LRCH4: variants seen among roughly 807,000 people sequenced by gnomAD.
The protein encoded by LRCH4 is leucine rich repeats and calponin homology domain containing 4, also known as leucine-rich repeat and calponin homology domain-containing protein 4.
LRCH4 carries 56 observed loss-of-function variants against 81.2 expected under a neutral mutation model. The ratio of observed to expected loss-of-function variants is 0.69; its 90% CI spans 0.56 to 0.86. The LOEUF is 0.86. Ranked by LOEUF, LRCH4 falls within the 40% of genes least tolerant of loss-of-function variation. The probability of loss-of-function intolerance (pLI) is 0.00; values close to 1 mark genes in which losing one functional copy is unlikely to be tolerated. For missense variants in LRCH4, 895 were observed against 922.8 expected, an observed-to-expected ratio of 0.97 and a Z score of 0.39; for synonymous variants, 442 against 409.7, an observed-to-expected ratio of 1.08 and a Z score of -0.95.
Position 100,577,091 on chromosome 7 carries a change from C to A in LRCH4, c.1359G>T (p.Met453Ile). 1 of 1,614,148 alleles carries A rather than the reference C, an allele frequency of 6.2e-7. No individual in the cohort carries two copies. The highest frequency in any genetic ancestry group is 8.5e-7 in the Non-Finnish European group (1 of 1,180,002). ...GATGCTGGCAGGAAACCTACTTGTG[C>A]ATGGCTTGAGTGGACACGGCGGCGG... ...GGAAAVSTQAMHNGSPKSSAS... is the reference protein window; with the variant it reads ...GGAAAVSTQAIHNGSPKSSAS... Residue 453 changes from methionine to isoleucine, a missense_variant, in exon 12 of 18, where the codon ATG (methionine) becomes ATT (isoleucine). Met to Ile is a conservative substitution (Grantham distance 10). This residue lies in a region of LRCH4 where 529 missense variants were observed against 504.9 expected (regional missense o/e 1.05). Coordinates refer to ENST00000310300, the MANE Select transcript of LRCH4 (RefSeq NM_002319.5). The surrounding 1 kb of genome is among the most constrained non-coding windows in gnomAD (Gnocchi z 6.7).
At position 100,577,294 on chromosome 7, in the gene LRCH4, C is replaced by A. The variant is rs752933880; in HGVS notation, c.1274G>T (p.Trp425Leu). ...ERRQQQQSGA[W>L]GAPRKDSLLK... Reference sequence around the variant, plus strand: ...CCACCTATCCTTCCTCGGGGCCCCCCACGCCCCGCTCTGCTGCTGCTGCCG... The same window carrying A: ...CCACCTATCCTTCCTCGGGGCCCCCAACGCCCCGCTCTGCTGCTGCTGCCG... The change falls in exon 11 of 18, where the codon TGG becomes TTG. Residue 425 changes from tryptophan (W) to leucine (L), a missense_variant. Transcript: ENST00000310300. The surrounding 1 kb of genome is among the most constrained non-coding windows in gnomAD (Gnocchi z 6.7). 1 of 1,598,664 alleles carries A rather than the reference C, an allele frequency of 6.3e-7. No individual in the cohort carries two copies. Among genetic ancestry groups the A allele is most frequent in the Non-Finnish European group, 8.5e-7 (1 of 1,178,414 alleles).
chr7:100,585,416 C>T (rs1339294326), intron 1 of LRCH4: 2 of 151,438 alleles, frequency 1.3e-5, no homozygotes, highest in Non-Finnish European at 2.9e-5. Context: ...AAACCTCGGG[C>T]TTAGGGGCCA....
At position 100,582,535 on chromosome 7, in the gene LRCH4, G is replaced by A. The variant is rs1156415066; in HGVS notation, c.221-76C>T. The A allele has an allele frequency of 2.1e-6, 3 of 1,455,532 alleles. No individual in the cohort carries two copies. In the East Asian group the frequency reaches 7.3e-5, roughly 35 times the overall value. The allele number at this position is 1,455,532 out of a possible 1,614,324, so 90.2% of individuals were successfully genotyped here. A position where few individuals can be genotyped will look rare whatever the true frequency, so the allele number is the denominator to read the frequency against. On this transcript the variant is annotated intron_variant, in intron 1 of 17. Coordinates refer to ENST00000310300, the MANE Select transcript of LRCH4 (RefSeq NM_002319.5). The surrounding 1 kb of genome is among the most constrained non-coding windows in gnomAD (Gnocchi z 5.0). Reference sequence around the variant, plus strand: ...AGGACCTTCAGTCCCCCCAGAGCCGGCTGCCCACTCCCTCACCTCCACACC... The same window carrying A: ...AGGACCTTCAGTCCCCCCAGAGCCGACTGCCCACTCCCTCACCTCCACACC...
At position 100,575,306 on chromosome 7, in the gene LRCH4, T is replaced by C; in HGVS notation, c.1855-2A>G. On this transcript the variant is annotated splice_acceptor_variant, in intron 17 of 17. Coordinates refer to ENST00000310300, the MANE Select transcript of LRCH4 (RefSeq NM_002319.5). LOFTEE classifies it high-confidence loss of function. The surrounding 1 kb of genome is among the most constrained non-coding windows in gnomAD (Gnocchi z 5.3). ...ATCCGAGGGCGAGCACAGGTCAGCC[T>C]GGGGGAGAGGAGAGCAGGTGGACAA... 2 of 1,540,312 alleles carry C rather than the reference T, an allele frequency of 1.3e-6. No homozygotes were observed. Among genetic ancestry groups the C allele is most frequent in the Non-Finnish European group, 8.8e-7 (1 of 1,138,958 alleles).
At chr7:100,580,769 AAC>A (rs1448530957) in intron 4 of LRCH4, 5 of 151,416 alleles carry the variant, frequency 3.3e-5, no homozygotes, top group African/African-American at 4.9e-5. Context: ...CACAGACATA[AAC>A]ACAACACACG....
Position 100,574,852 on chromosome 7 carries a change from G to C in LRCH4, c.*255C>G, listed in dbSNP as rs1801292446. 2.2e-6 allele frequency: 1 copy of C among 454,772 alleles called. No homozygotes were observed. Among genetic ancestry groups the C allele is most frequent in the Non-Finnish European group, 3.9e-6 (1 of 253,168 alleles). 28.2% of individuals were successfully genotyped at this position (454,772 alleles called of 1,614,324 possible). ...CCCCTCACGGGGTACAGAGGGCAGGGGCAGGGCCGGCGGGGACATGAAGGC... is the reference window on the plus strand; with the variant it reads ...CCCCTCACGGGGTACAGAGGGCAGGCGCAGGGCCGGCGGGGACATGAAGGC... On this transcript the variant is annotated 3_prime_UTR_variant, in exon 18 of 18. Transcript: ENST00000310300.
In LRCH4 at chr7:100,575,405, AC is replaced by A. The variant is rs1430964926; in HGVS notation, c.1855-102del. The A allele has an allele frequency of 3.6e-6, 4 of 1,112,382 alleles. No individual in the cohort carries two copies. Among genetic ancestry groups the A allele is most frequent in the South Asian group, 2.8e-5 (2 of 70,836 alleles). The allele number at this position is 1,112,382 out of a possible 1,614,324, so 68.9% of individuals were successfully genotyped here. A position where few individuals can be genotyped will look rare whatever the true frequency, so the allele number is the denominator to read the frequency against. ...CCTGCCCTCACGTGCTGGGGCCAGAACCACGCCCACATGCTGACGTGCTGGG... is the reference window on the plus strand; with the variant it reads ...CCTGCCCTCACGTGCTGGGGCCAGAACACGCCCACATGCTGACGTGCTGGG... On this transcript the variant is annotated intron_variant, in intron 17 of 17. Coordinates refer to ENST00000310300, the MANE Select transcript of LRCH4 (RefSeq NM_002319.5). The surrounding 1 kb of genome is among the most constrained non-coding windows in gnomAD (Gnocchi z 5.3).
Position 100,577,236 on chromosome 7 carries a change from G to T in LRCH4, c.1295+37C>A. ...TCGGTGGCCCCATTTCCAGGGCTCA[G>T]TGTCCAGCAACAGCCCCGGGCGGCC... On this transcript the variant is annotated intron_variant, in intron 11 of 17. Coordinates refer to ENST00000310300, the MANE Select transcript of LRCH4 (RefSeq NM_002319.5). The surrounding 1 kb of genome is among the most constrained non-coding windows in gnomAD (Gnocchi z 6.7). 1 of 1,606,632 alleles carries T rather than the reference G, an allele frequency of 6.2e-7. No homozygotes were observed.
At position 100,576,740 on chromosome 7, in the gene LRCH4, C is replaced by T. The variant is rs747021778; in HGVS notation, c.1506G>A (p.Gln502=). ...APAPRPLGSI[Q]RPNSFLFRSS... is the part of the protein sequence containing the mutation. ...AACGGAAGAGGAAGCTGTTTGGTCT[C>T]TGAATGGAGCCAAGTGGCCGTGGAG... Residue 502 remains glutamine (Q), a synonymous_variant, in exon 14 of 18, where the codon CAG becomes CAA. Coordinates refer to ENST00000310300, the MANE Select transcript of LRCH4 (RefSeq NM_002319.5). The T allele has an allele frequency of 3.8e-6, 6 of 1,598,588 alleles. No homozygotes were observed. In the South Asian group the frequency reaches 4.5e-5, roughly 12 times the overall value.
intron 3 of LRCH4, 76 bp downstream of exon 3, chr7:100,581,965 C>T (rs1349277707): frequency 2.5e-6 from 4 of 1,604,556 alleles, no homozygotes; most frequent in Non-Finnish European, 2.6e-6. Context: ...TTGCTCCAGG[C>T]CCTCCCCAAC....
chr7:100,576,053 C>T (rs772640135), intron 15 of LRCH4, 45 bp from the exon 16 acceptor site: 14 of 1,570,230 alleles, frequency 8.9e-6, no homozygotes, highest in Admixed American at 7.1e-5. Flanking sequence ...GAAGGAGAGG[C>T]GTCTGGGAGG....
chr7:100,585,504 G>T (rs1413105496), intron 1 of LRCH4, among the ~76,000 whole-genome samples: 1 of 151,506 alleles, frequency 6.6e-6, no homozygotes, highest in Admixed American at 6.6e-5. Flanking sequence ...AAGAGGGAGA[G>T]AAAGCAGTTA....
In LRCH4 at chr7:100,582,605, A is replaced by C; in HGVS notation, c.221-146T>G. ...ATGTGGCCTCCCAGGAGAGATAACA[A>C]AGCCTTCTGCCAACGGGAGCACATT... On this transcript the variant is annotated intron_variant, in intron 1 of 17. Coordinates refer to ENST00000310300, the MANE Select transcript of LRCH4 (RefSeq NM_002319.5). This position sits in a 1 kb window ranked among gnomAD's most constrained non-coding sequence, Gnocchi z 5.0. 1.2e-6 allele frequency: 1 copy of C among 815,826 alleles called. No homozygotes were observed. Among genetic ancestry groups the C allele is most frequent in the Non-Finnish European group, 1.9e-6 (1 of 522,582 alleles). 50.5% of individuals were successfully genotyped at this position (815,826 alleles called of 1,614,324 possible). A position where few individuals can be genotyped will look rare whatever the true frequency, so the allele number is the denominator to read the frequency against.
At chr7:100,581,697 G>A (rs1801563664) in intron 4 of LRCH4, 80 bp downstream of exon 4, 2 of 1,168,710 alleles carry the variant, frequency 1.7e-6, no homozygotes, top group Non-Finnish European at 2.6e-6. Context: ...TACCCGGTCT[G>A]CAGTGTTTTC....
In LRCH4 at chr7:100,583,016, GT is replaced by G. The variant is rs1023491607; in HGVS notation, c.221-558del. ...AGATAAAGTCCCCGACACCGGACGA[GT>G]TTTTCGCCAGCCCCAAGGACCAGCA... is the stretch of plus-strand genomic sequence containing the variant. On this transcript the variant is annotated intron_variant, in intron 1 of 17. Coordinates refer to ENST00000310300, the MANE Select transcript of LRCH4 (RefSeq NM_002319.5). The surrounding 1 kb of genome is among the most constrained non-coding windows in gnomAD (Gnocchi z 4.3). Among the ~76,000 whole-genome samples, 6 of 152,166 alleles carry G rather than the reference GT, an allele frequency of 3.9e-5. No individual in the cohort carries two copies. Among genetic ancestry groups the G allele is most frequent in the Non-Finnish European group, 8.8e-5 (6 of 68,030 alleles).
chr7:100,581,716 A>G (rs1431981949), intron 4 of LRCH4, 61 bp downstream of exon 4: 1 of 1,470,998 alleles, frequency 6.8e-7, no homozygotes, highest in Non-Finnish European at 9.5e-7. Context: ...TCGTTACCGC[A>G]GCCTGAGCCA....
At position 100,578,890 on chromosome 7, in the gene LRCH4, G is replaced by A; in HGVS notation, c.599-104C>T. 2.4e-6 allele frequency: 3 copies of A among 1,270,562 alleles called. No homozygotes were observed. Among genetic ancestry groups the A allele is most frequent in the Non-Finnish European group, 3.3e-6 (3 of 910,528 alleles). 78.7% of individuals were successfully genotyped at this position (1,270,562 alleles called of 1,614,324 possible). A position where few individuals can be genotyped will look rare whatever the true frequency, so the allele number is the denominator to read the frequency against. ...CAGCTGGCCAGTCACCCTGGGCCCA[G>A]CACAGCCTCTCCCCTGGGTGGCTCA... On this transcript the variant is annotated intron_variant, in intron 4 of 17. Coordinates refer to ENST00000310300, the MANE Select transcript of LRCH4 (RefSeq NM_002319.5). This position sits in a 1 kb window ranked among gnomAD's most constrained non-coding sequence, Gnocchi z 5.7.
In LRCH4 at chr7:100,577,541, T is replaced by G. The variant is rs1801411215; in HGVS notation, c.1134A>C (p.Glu378Asp). 6.2e-7 allele frequency: 1 copy of G among 1,610,666 alleles called. No individual in the cohort carries two copies. The highest frequency in any genetic ancestry group is 1.1e-5 in the South Asian group (1 of 91,088). Residue 378 changes from glutamate (E) to aspartate (D), a missense_variant, in exon 10 of 18, where the codon GAA becomes GAC. Coordinates refer to ENST00000310300, the MANE Select transcript of LRCH4 (RefSeq NM_002319.5). This position sits in a 1 kb window ranked among gnomAD's most constrained non-coding sequence, Gnocchi z 6.7. Reference protein sequence around the residue: ...RGTVEEQRPPELSPGAGDRER... With the variant: ...RGTVEEQRPPDLSPGAGDRER... ...CCCTGTCCCCTGCCCCAGGGCTTAA[T>G]TCGGGTGGTCGCTGCTCCTAAGGAG... is the stretch of plus-strand genomic sequence containing the variant.
chr7:100,579,287 T>G, intron 4 of LRCH4: 1 of 158,786 alleles, frequency 6.3e-6, no homozygotes, highest in Non-Finnish European at 1.4e-5. Flanking sequence ...GAAAGGTGCC[T>G]TTTGCTCATC....
Sources: gnomAD v4.1 joint callset for allele counts (sites outside exome capture counted in the v4.1 genomes callset) on GRCh38, gnomAD v4.1.1 for gene constraint, gnomAD v4.1.1 regional missense constraint, Gnocchi (gnomAD v3.1) non-coding constraint, MANE v1.5 for transcripts, NCBI Gene and HGNC (gene_info 2026-07-23, HGNC 2026-07-21) for gene names.